The following TTN variants were observed in gnomAD, a reference collection of about 807,000 sequenced individuals.
TTN encodes the protein titin, also known as connectin.
In TTN, 1,525 loss-of-function variants were observed where a neutral mutation model predicts 3,223.0. That is an observed-to-expected ratio of 0.47 (90% confidence interval 0.45 to 0.49). The LOEUF is 0.49. Ranked by LOEUF, TTN falls within the 20% of genes least tolerant of loss-of-function variation. The pLI, the probability that TTN is intolerant of heterozygous loss-of-function variation, is 0.00. For missense variants in TTN, 40,786 were observed against 43,424.0 expected, an observed-to-expected ratio of 0.94 and a Z score of 5.40; for synonymous variants, 14,094 against 15,161.0, an observed-to-expected ratio of 0.93 and a Z score of 5.17.
chr2:178,780,203 C>A lies in TTN; in HGVS notation c.3526G>T (p.Asp1176Tyr). 1 of 1,611,508 alleles carries A rather than the reference C, an allele frequency of 6.2e-7. No homozygotes were observed. Among genetic ancestry groups the A allele is most frequent in the East Asian group, 2.2e-5 (1 of 44,794 alleles). Residue 1176 changes from aspartate (D) to tyrosine (Y), a missense_variant and splice_region_variant, in exon 22 of 363, where the codon GAT (aspartate) becomes TAT (tyrosine). Asp to Tyr is a radical substitution (Grantham distance 160, BLOSUM62 -3). Coordinates refer to ENST00000589042, the MANE Select transcript of TTN (RefSeq NM_001267550.2). ...SASASLLEEA[D>Y]YELLMKSQQE... ...TGGGACTTCATCAGTAACTCATAAT[C>A]AGCTAAGAGTTAAGAACATCAGTTA...
Position 178,542,896 on chromosome 2 carries a change from C to G in TTN, c.96958G>C (p.Ala32320Pro). The change falls in exon 348 of 363, where the codon GCT becomes CCT. Residue 32320 changes from alanine (A) to proline (P), a missense_variant. Transcript: ENST00000589042. ...TMPQKTIHVP[A>P]GRPVELVIPI... ...ATCACCAGCTCTACTGGTCTGCCAGCTGGGACATGGATGGTCTTCTGAGGC... is the reference window on the plus strand; with the variant it reads ...ATCACCAGCTCTACTGGTCTGCCAGGTGGGACATGGATGGTCTTCTGAGGC... 6.2e-7 allele frequency: 1 copy of G among 1,613,466 alleles called. No homozygotes were observed. The highest frequency in any genetic ancestry group is 1.7e-5 in the Admixed American group (1 of 59,998).
intron 62 of TTN, 33 bp downstream of exon 62, chr2:178,730,060 A>G (rs780987589): frequency 2.5e-6 from 4 of 1,597,454 alleles, no homozygotes; most frequent in Non-Finnish European, 3.4e-6. Flanking sequence ...AAATCTAGAC[A>G]AGCAAGAAAG....
At position 178,675,131 on chromosome 2, in the gene TTN, A is replaced by T. The variant is rs2154266870; in HGVS notation, c.34538-18T>A. ...CTCAGGAACTTGAGAGACATTGATTATTTTAGACACTTAAAATGCAAGAAC... is the reference window on the plus strand; with the variant it reads ...CTCAGGAACTTGAGAGACATTGATTTTTTTAGACACTTAAAATGCAAGAAC... On this transcript the variant is annotated intron_variant, in intron 149 of 362. Transcript: ENST00000589042. 1 of 1,510,982 alleles carries T rather than the reference A, an allele frequency of 6.6e-7. No homozygotes were observed. Among genetic ancestry groups the T allele is most frequent in the Non-Finnish European group, 8.9e-7 (1 of 1,123,080 alleles). 93.6% of individuals were successfully genotyped at this position (1,510,982 alleles called of 1,614,324 possible).
chr2:178,710,828 T>G lies in TTN; in HGVS notation c.28269A>C (p.Thr9423=), dbSNP rs550056960. 1 of 1,613,926 alleles carries G rather than the reference T, an allele frequency of 6.2e-7. No individual in the cohort carries two copies. The highest frequency in any genetic ancestry group is 8.5e-7 in the Non-Finnish European group (1 of 1,179,822). Residue 9423 remains threonine, a synonymous_variant, in exon 98 of 363, where the codon ACA becomes ACC. Coordinates refer to ENST00000589042, the MANE Select transcript of TTN (RefSeq NM_001267550.2). ...TGGCCCAGCTGACCTTTATCGGTTG[T>G]GTGCCCGTGACGTGGCACTCAAAGT... ...SADFECHVTG[T]QPIKVSWAKD...
chr2:178,705,144 T>A lies in TTN; in HGVS notation c.29604+30A>T, dbSNP rs780652810. The stretch of plus-strand genomic sequence containing the variant: ...TGAGATGTTTTAAATGTGACTTTTT[T>A]AGCATGATGCTATATATGAAGGAGC... On this transcript the variant is annotated intron_variant, in intron 103 of 362. Transcript: ENST00000589042. 6 of 1,600,820 alleles carry A rather than the reference T, an allele frequency of 3.7e-6. No homozygotes were observed. The East Asian group carries it at 8.9e-5, about 24-fold the overall frequency.
At chr2:178,688,967 C>T (rs961071520) in intron 125 of TTN, 86 bp downstream of exon 125, 18 of 1,402,272 alleles carry the variant, frequency 1.3e-5, no homozygotes, top group Middle Eastern at 1.8e-4. Context: ...TAAGCACAGA[C>T]CAGATGGAAA....
At chr2:178,750,288 T>A (rs1433797971) in intron 47 of TTN, 1 of 1,613,206 alleles carries the variant, frequency 6.2e-7, no homozygotes, top group Non-Finnish European at 8.5e-7. Flanking sequence ...ACATCATGTT[T>A]TTGTTTTGCT....
chr2:178,560,099 T>A lies in TTN; in HGVS notation c.86033A>T (p.Asp28678Val). 1 of 1,613,670 alleles carries A rather than the reference T, an allele frequency of 6.2e-7. No individual in the cohort carries two copies. The highest frequency in any genetic ancestry group is 2.2e-5 in the East Asian group (1 of 44,814). The change falls in exon 326 of 363, where the codon GAT becomes GTT. Residue 28678 changes from aspartate (D) to valine (V), a missense_variant. Coordinates refer to ENST00000589042, the MANE Select transcript of TTN (RefSeq NM_001267550.2). Reference sequence around the variant, plus strand: ...ATATCCAGTTATCGGGGCCCCACCATCAAACAGCGGCTTAACCCAGGCAAT... The same window carrying A: ...ATATCCAGTTATCGGGGCCCCACCAACAAACAGCGGCTTAACCCAGGCAAT... ...ITIAWVKPLF[D>V]GGAPITGYTV...
At position 178,707,784 on chromosome 2, in the gene TTN, G is replaced by A. The variant is rs558999754; in HGVS notation, c.28783C>T (p.His9595Tyr). The A allele has an allele frequency of 6.2e-7, 1 of 1,609,410 alleles. No homozygotes were observed. The highest frequency in any genetic ancestry group is 1.7e-5 in the Admixed American group (1 of 59,860). Residue 9595 changes from histidine (H) to tyrosine (Y), a missense_variant, in exon 100 of 363, where the codon CAC (histidine) becomes TAC (tyrosine). His to Tyr is a moderately conservative substitution (Grantham distance 83, BLOSUM62 2). Coordinates refer to ENST00000589042, the MANE Select transcript of TTN (RefSeq NM_001267550.2). ...TCACTCACTGTTACTGGAGTAAGGT[G>A]CTGATCAAATACAGGTGGCTTCTTA... ...EPKKPPVFDQ[H>Y]LTPVTVSEGE...
intron 253 of TTN, 28 bp from the exon 254 acceptor site, chr2:178,617,540 A>G: frequency 6.4e-7 from 1 of 1,551,712 alleles, no homozygotes; most frequent in Non-Finnish European, 8.7e-7. Flanking sequence ...GTTGGAGCAT[A>G]CCATTTACGT....
In TTN at chr2:178,672,704, C is replaced by A. The variant is rs778962191; in HGVS notation, c.34787-1G>T. The A allele has an allele frequency of 6.3e-7, 1 of 1,598,412 alleles. No homozygotes were observed. Among genetic ancestry groups the A allele is most frequent in the South Asian group, 1.1e-5 (1 of 89,310 alleles). On this transcript the variant is annotated splice_acceptor_variant, in intron 152 of 362. Transcript: ENST00000589042. LOFTEE classifies it high-confidence loss of function. ...TTTTCCTCAGGAATTTTCTTTGACA[C>A]TTTAAAGATATTAGGTGTTTTAGTT... is the stretch of plus-strand genomic sequence containing the variant.
rs1309605744 is a variant in TTN, at chr2:178,751,039, CT to C, written c.11311+2084del. Reference sequence around the variant, plus strand: ...TAGTTTGAAAGCTTGTGGGAAGTTCCTCAGATTCTATATTTTGATCCATTTG... The same window carrying C: ...TAGTTTGAAAGCTTGTGGGAAGTTCCCAGATTCTATATTTTGATCCATTTG... On this transcript the variant is annotated intron_variant, in intron 47 of 362. Transcript: ENST00000589042. The C allele has an allele frequency of 5.6e-6, 9 of 1,612,390 alleles. No individual in the cohort carries two copies. Among genetic ancestry groups the C allele is most frequent in the African/African-American group, 1.3e-5 (1 of 74,794 alleles).
In TTN at chr2:178,624,723, C is replaced by A. The variant is rs753457792; in HGVS notation, c.44557G>T (p.Val14853Phe). 1 of 1,611,990 alleles carries A rather than the reference C, an allele frequency of 6.2e-7. No individual in the cohort carries two copies. Among genetic ancestry groups the A allele is most frequent in the Non-Finnish European group, 8.5e-7 (1 of 1,178,858 alleles). The change falls in exon 242 of 363, where the codon GTT (valine) becomes TTT (phenylalanine). Residue 14853 changes from valine to phenylalanine, a missense_variant. By Grantham distance (50) the Val-to-Phe change is conservative. Transcript: ENST00000589042. ...HANLFVKEPP[V>F]EFTKPLEDQT... ...TCCTCAAGAGGCTTAGTGAATTCAA[C>A]TGGGGGTTCTGAAAGAATCATACTC...
Position 178,576,124 on chromosome 2 carries a change from T to A in TTN, c.70008A>T (p.Val23336=). ...CAAAATCAGGAGCCATCTCCCGTTCTACGATTTCAACATCTGGAATCACCG... is the reference window on the plus strand; with the variant it reads ...CAAAATCAGGAGCCATCTCCCGTTCAACGATTTCAACATCTGGAATCACCG... ...EPAVIPDVEI[V]EREMAPDFEL... is the part of the protein sequence containing the mutation. The change falls in exon 326 of 363, where the codon GTA becomes GTT. Residue 23336 remains valine, a synonymous_variant. Transcript: ENST00000589042. The surrounding 1 kb of genome is among the most constrained non-coding windows in gnomAD (Gnocchi z 4.3). 6.2e-7 allele frequency: 1 copy of A among 1,613,468 alleles called. No individual in the cohort carries two copies. The highest frequency in any genetic ancestry group is 8.5e-7 in the Non-Finnish European group (1 of 1,179,588).
Position 178,542,679 on chromosome 2 carries a change from A to C in TTN, c.97175T>G (p.Ile32392Ser). ...KNVTGTTSET[I>S]KVIILDKPGP... ...ATCCTTACCAAGAATGATAACTTTAATGGTTTCTGAAGTAGTTCCGGTAAC... is the reference window on the plus strand; with the variant it reads ...ATCCTTACCAAGAATGATAACTTTACTGGTTTCTGAAGTAGTTCCGGTAAC... The change falls in exon 348 of 363, where the codon ATT (isoleucine) becomes AGT (serine). Residue 32392 changes from isoleucine (I) to serine (S), a missense_variant. Coordinates refer to ENST00000589042, the MANE Select transcript of TTN (RefSeq NM_001267550.2). The C allele has an allele frequency of 1.9e-6, 3 of 1,613,166 alleles. No individual in the cohort carries two copies.
Position 178,579,432 on chromosome 2 carries a change from G to A in TTN, c.67637-39C>T, listed in dbSNP as rs117637264. The A allele has an allele frequency of 2.4e-4, 371 of 1,556,610 alleles. 2 individuals are homozygous for A. In the East Asian group the frequency reaches 7.7e-3, roughly 32 times the overall value. ...GAGATAAATTACTGTTATTTTTAAG[G>A]CCAGGCGATTAACTTTTTCAAATAG... On this transcript the variant is annotated intron_variant, in intron 319 of 362. Coordinates refer to ENST00000589042, the MANE Select transcript of TTN (RefSeq NM_001267550.2).
rs908134644 is a variant in TTN, at chr2:178,722,831, C to G, written c.22068G>C (p.Trp7356Cys). The change falls in exon 76 of 363, where the codon TGG (tryptophan) becomes TGC (cysteine). Residue 7356 changes from tryptophan (W) to cysteine (C), a missense_variant. Transcript: ENST00000589042. Reference sequence around the variant, plus strand: ...GCCGTAATTTGGTATCTCCTTTGTACCAAGACACTGTAATTTCTGGTGTCC... The same window carrying G: ...GCCGTAATTTGGTATCTCCTTTGTAGCAAGACACTGTAATTTCTGGTGTCC... The part of the protein sequence containing the change: ...VAGTPEITVS[W>C]YKGDTKLRPT... 5 of 1,613,092 alleles carry G rather than the reference C, an allele frequency of 3.1e-6. No individual in the cohort carries two copies. Among genetic ancestry groups the G allele is most frequent in the Non-Finnish European group, 4.2e-6 (5 of 1,179,528 alleles).
chr2:178,540,028 A>G lies in TTN; in HGVS notation c.98098+40T>C, dbSNP rs1435946736. 9 of 1,597,742 alleles carry G rather than the reference A, an allele frequency of 5.6e-6. No homozygotes were observed. The East Asian group carries it at 9.0e-5, about 16-fold the overall frequency. The stretch of plus-strand genomic sequence containing the variant: ...GGTAGGGGGACTAAGAAATAAGTCT[A>G]TGGCAATTATTGCAGAAAGCAAATG... On this transcript the variant is annotated intron_variant, in intron 351 of 362. Coordinates refer to ENST00000589042, the MANE Select transcript of TTN (RefSeq NM_001267550.2).
rs770686426 is a variant in TTN, at chr2:178,667,538, G to A, written c.35630-13C>T. On this transcript the variant is annotated splice_polypyrimidine_tract_variant and intron_variant, in intron 160 of 362. Coordinates refer to ENST00000589042, the MANE Select transcript of TTN (RefSeq NM_001267550.2). ...GGTGGCTCAGGCACTTAAAAGATAT[G>A]AGTATAGTTATATTTATAAATGGTG... is the stretch of plus-strand genomic sequence containing the variant. 9.4e-6 allele frequency: 15 copies of A among 1,591,476 alleles called. 1 individual carries two copies. The highest frequency in any genetic ancestry group is 1.3e-5 in the Non-Finnish European group (15 of 1,175,874).
Sources: gnomAD v4.1 joint callset for allele counts on GRCh38, gnomAD v4.1.1 for gene constraint, Gnocchi (gnomAD v3.1) non-coding constraint, MANE v1.5 for transcripts, NCBI Gene and HGNC (gene_info 2026-07-23, HGNC 2026-07-21) for gene names.